The following KIAA2012 variants were observed in gnomAD, a reference collection of about 807,000 sequenced individuals.
The protein encoded by KIAA2012 is uncharacterized protein KIAA2012.
KIAA2012 carries 125 observed loss-of-function variants against 150.6 expected under a neutral mutation model. That is an observed-to-expected ratio of 0.83 (90% confidence interval 0.72 to 0.96). The LOEUF (loss-of-function observed/expected upper bound fraction) is 0.96. Among genes scored for constraint, KIAA2012 ranks in the 40% least tolerant of loss-of-function variants. The pLI, the probability that KIAA2012 is intolerant of heterozygous loss-of-function variation, is 0.00. For synonymous variants in KIAA2012, 462 were observed against 504.7 expected (o/e 0.92, Z 1.13); for missense variants, 1,219 against 1,354.9 (o/e 0.90, Z 1.57).
At chr2:202,091,779 G>A (rs1214003065) in intron 3 of KIAA2012, among the ~76,000 whole-genome samples, 1 of 152,232 alleles carries the variant, frequency 6.6e-6, no homozygotes, top group African/African-American at 2.4e-5. Context: ...CCACTCGGCT[G>A]TTTGCCATTT....
chr2:202,187,748 C>T (rs1180017988), intron 17 of KIAA2012, among the ~76,000 whole-genome samples: 1 of 152,152 alleles, frequency 6.6e-6, no homozygotes, highest in Non-Finnish European at 1.5e-5. Context: ...CCTGAGGTTT[C>T]CTGAAAGTTA....
At chr2:202,126,797 G>C (rs1640894301) in intron 12 of KIAA2012, among the ~76,000 whole-genome samples, 1 of 152,082 alleles carries the variant, frequency 6.6e-6, no homozygotes, top group Admixed American at 6.6e-5. Flanking sequence ...GGACAATGTG[G>C]CTCAAGAGAG....
intron 20 of KIAA2012, among the ~76,000 whole-genome samples, 158 bp downstream of exon 20, chr2:202,193,661 C>A (rs1297649783): frequency 1.3e-5 from 2 of 152,206 alleles, no homozygotes; most frequent in African/African-American, 4.8e-5. Flanking sequence ...TTCCTAGGAA[C>A]AACACTCACC....
At chr2:202,078,222 A>C (rs1689366894) in intron 2 of KIAA2012, among the ~76,000 whole-genome samples, 2 of 152,278 alleles carry the variant, frequency 1.3e-5, no homozygotes, top group Non-Finnish European at 2.9e-5. Flanking sequence ...TAAATCATGT[A>C]ATGACCTGGG....
intron 15 of KIAA2012, chr2:202,179,791 TA>T: frequency 1.6e-6 from 1 of 625,412 alleles, no homozygotes; most frequent in South Asian, 1.4e-5. Flanking sequence ...GGGAAAGAAC[TA>T]TGTGAATGGG....
chr2:202,204,614 T>C (rs914696835), intron 23 of KIAA2012, among the ~76,000 whole-genome samples: 49 of 152,226 alleles, frequency 3.2e-4, no homozygotes, highest in African/African-American at 1.2e-3. Context: ...TCATTAATGT[T>C]TGTAAGGTAT....
intron 2 of KIAA2012, among the ~76,000 whole-genome samples, chr2:202,088,319 C>T (rs376524319): frequency 5.9e-5 from 9 of 152,266 alleles, no homozygotes; most frequent in African/African-American, 2.2e-4. Context: ...TCTCCCACCA[C>T]CTGGACAAGA....
chr2:202,203,772 CTTTTT>C, intron 23 of KIAA2012, among the ~76,000 whole-genome samples: 1 of 144,026 alleles, frequency 6.9e-6, no homozygotes, highest in East Asian at 2.1e-4. Context: ...ACCAGGATGT[CTTTTT>C]TTTTTTTTTT....
chr2:202,155,232 C>T (rs1259892709), intron 14 of KIAA2012, among the ~76,000 whole-genome samples: 1 of 152,166 alleles, frequency 6.6e-6, no homozygotes, highest in African/African-American at 2.4e-5. Flanking sequence ...CTGCAAATTC[C>T]TTTCTGGATA....
Position 202,184,763 on chromosome 2 carries a change from A to C in KIAA2012, c.2130A>C (p.Pro710=). 1 of 1,541,574 alleles carries C rather than the reference A, an allele frequency of 6.5e-7. No homozygotes were observed. Among genetic ancestry groups the C allele is most frequent in the Non-Finnish European group, 8.7e-7 (1 of 1,144,262 alleles). The change falls in exon 16 of 24, where the codon CCA becomes CCC. Residue 710 remains proline, a synonymous_variant. Transcript: ENST00000498697. ...ACTCTGTTTTCACAGACCCAGAGCC[A>C]AGGAGTATGACCCTTGACTCTCCCA... The part of the protein sequence containing the change: ...ETHHNDQDPE[P]RSMTLDSPRA...
At chr2:202,201,619 C>A (rs1692527363) in intron 22 of KIAA2012, 3 of 1,610,316 alleles carry the variant, frequency 1.9e-6, no homozygotes, top group South Asian at 1.1e-5. Context: ...GGATAATAAG[C>A]CATGGGGATT....
At chr2:202,091,623 T>TA (rs1207224406) in intron 3 of KIAA2012, among the ~76,000 whole-genome samples, 3 of 152,330 alleles carry the variant, frequency 2.0e-5, no homozygotes, top group East Asian at 1.9e-4. Flanking sequence ...CATAAACAGT[T>TA]ACGCTTGCAA....
At chr2:202,196,040 T>C (rs1447170337) in intron 21 of KIAA2012, among the ~76,000 whole-genome samples, 1 of 152,130 alleles carries the variant, frequency 6.6e-6, no homozygotes, top group Non-Finnish European at 1.5e-5. Context: ...TTTGGATATA[T>C]ACCTAGTAGT....
At chr2:202,204,695 T>TA (rs1294574539) in intron 23 of KIAA2012, among the ~76,000 whole-genome samples, 1 of 152,212 alleles carries the variant, frequency 6.6e-6, no homozygotes, top group African/African-American at 2.4e-5. Flanking sequence ...TTGCTGTTAT[T>TA]AGATGTGCTT....
At chr2:202,125,319 T>G in intron 12 of KIAA2012, 37 bp downstream of exon 12, 13 of 1,469,430 alleles carry the variant, frequency 8.8e-6, no homozygotes, top group East Asian at 2.5e-5. Flanking sequence ...TCGACTTCTC[T>G]ATGTAATTTG....
intron 7 of KIAA2012, 22 bp from the exon 8 acceptor site, chr2:202,102,924 T>C: frequency 3.9e-6 from 6 of 1,547,676 alleles, no homozygotes; most frequent in Non-Finnish European, 5.2e-6. Context: ...CCATGATCGT[T>C]TTGTTTTTAA....
Position 202,138,496 on chromosome 2 carries a change from A to C in KIAA2012, c.1896A>C (p.Thr632=). ...ATGAAACCTCACCGTTGACCCAAAC[A>C]ACAGAGAAGCAGGTATAGTATTGAC... ...NLYETSPLTQ[T]TEKQGAQQSL... Residue 632 remains threonine (T), a synonymous_variant, in exon 13 of 24, where the codon ACA becomes ACC. Transcript: ENST00000498697. The C allele has an allele frequency of 6.5e-7, 1 of 1,550,036 alleles. No individual in the cohort carries two copies. The highest frequency in any genetic ancestry group is 1.4e-5 in the African/African-American group (1 of 73,172).
At chr2:202,194,910 AG>A (rs1265450734) in intron 21 of KIAA2012, among the ~76,000 whole-genome samples, 2 of 151,962 alleles carry the variant, frequency 1.3e-5, no homozygotes, top group Admixed American at 1.3e-4. Context: ...CTGGGATTAC[AG>A]GCGCCCGCCA....
intron 13 of KIAA2012, among the ~76,000 whole-genome samples, chr2:202,143,075 A>ATTTTTTTTTTTTTTT (rs59488285): frequency 7.2e-5 from 9 of 124,988 alleles, no homozygotes; most frequent in Non-Finnish European, 9.8e-5. Context: ...CACTGGTTTA[A>ATTTTTTTTTTTTTTT]TTTTTTTTTT....
Sources: allele counts gnomAD v4.1 joint callset (sites outside exome capture counted in the v4.1 genomes callset), GRCh38; gene constraint gnomAD v4.1.1; transcripts MANE v1.5; gene names NCBI Gene and HGNC (gene_info 2026-07-23, HGNC 2026-07-21).